The following WDR70 variants were observed in gnomAD, a reference collection of about 807,000 sequenced individuals.
The protein encoded by WDR70 is WD repeat-containing protein 70.
In WDR70, 53 loss-of-function variants were observed where a neutral mutation model predicts 88.6. That is an observed-to-expected ratio of 0.60 (90% CI 0.48 to 0.75). The LOEUF (loss-of-function observed/expected upper bound fraction) is 0.75, where lower values mean the gene tolerates loss of function less well. Ranked by LOEUF, WDR70 falls within the 30% of genes least tolerant of loss-of-function variation. The pLI is 0.00. For synonymous variants in WDR70, 280 were observed against 270.0 expected, an observed-to-expected ratio of 1.04 and a Z score of -0.36; for missense variants, 610 against 823.2, an observed-to-expected ratio of 0.74 and a Z score of 3.17.
rs371089344 is a variant in WDR70, at chr5:37,582,877, C to G, written c.918-22187C>G. Among the ~76,000 whole-genome samples, 3 of 152,206 alleles carry G rather than the reference C, an allele frequency of 2.0e-5. No individual in the cohort carries two copies. In the East Asian group the frequency reaches 5.8e-4, roughly 29 times the overall value. On this transcript the variant is annotated intron_variant, in intron 9 of 17. Coordinates refer to ENST00000265107, the MANE Select transcript of WDR70 (RefSeq NM_018034.4). ...TGTTTCAGCATGGGCTGTCCTTGTG[C>G]GTAGCACTTCTTTAGGATGTCGCCA...
intron 5 of WDR70, among the ~76,000 whole-genome samples, chr5:37,414,926 G>GCGGCGTTC (rs1749651859): frequency 7.3e-6 from 1 of 136,128 alleles, no homozygotes; most frequent in Admixed American, 6.8e-5. Flanking sequence ...AGAGGACCCT[G>GCGGCGTTC]CGGCCTTCCG....
At chr5:37,649,798 C>T (rs1176354814) in intron 10 of WDR70, among the ~76,000 whole-genome samples, 2 of 116,394 alleles carry the variant, frequency 1.7e-5, no homozygotes, top group Non-Finnish European at 3.2e-5. Context: ...AGTGCAGTGG[C>T]GCGATCTCGG....
chr5:37,695,992 C>T (rs1346497322), intron 10 of WDR70, among the ~76,000 whole-genome samples: 1 of 152,080 alleles, frequency 6.6e-6, no homozygotes, highest in Non-Finnish European at 1.5e-5. Flanking sequence ...CTCTTTTCTC[C>T]CTCATTGTCA....
chr5:37,522,148 T>C (rs916258814), intron 9 of WDR70, among the ~76,000 whole-genome samples: 1 of 152,142 alleles, frequency 6.6e-6, no homozygotes, highest in African/African-American at 2.4e-5. Context: ...TTCCATATGC[T>C]TTTTGGCCAT....
chr5:37,591,150 T>C (rs2112446290), intron 9 of WDR70, among the ~76,000 whole-genome samples: 1 of 152,176 alleles, frequency 6.6e-6, no homozygotes, highest in South Asian at 2.1e-4. Context: ...CTGGCCAATA[T>C]GGTGAAACCC....
At chr5:37,383,939 T>C (rs573047502) in intron 3 of WDR70, among the ~76,000 whole-genome samples, 113 of 152,296 alleles carry the variant, frequency 7.4e-4, no homozygotes, top group African/African-American at 2.6e-3. Context: ...TGAACTACCA[T>C]GTACCTATCA....
intron 10 of WDR70, among the ~76,000 whole-genome samples, chr5:37,696,795 T>C (rs1159868822): frequency 6.6e-6 from 1 of 152,250 alleles, no homozygotes; most frequent in Admixed American, 6.5e-5. Flanking sequence ...GGTAATTGAC[T>C]TCCTAGTACC....
chr5:37,606,423 G>T (rs1248358677), intron 10 of WDR70, among the ~76,000 whole-genome samples: 1 of 151,956 alleles, frequency 6.6e-6, no homozygotes, highest in Non-Finnish European at 1.5e-5. Context: ...ATCATCTCTG[G>T]GTGCTGTTAA....
At chr5:37,382,376 A>G (rs1748454177) in intron 3 of WDR70, among the ~76,000 whole-genome samples, 1 of 150,022 alleles carries the variant, frequency 6.7e-6, no homozygotes, top group Non-Finnish European at 1.5e-5. Flanking sequence ...GGGATTACAG[A>G]CGTGAACCAC....
intron 9 of WDR70, among the ~76,000 whole-genome samples, chr5:37,571,123 T>C (rs749037933): frequency 1.3e-5 from 2 of 152,178 alleles, no homozygotes; most frequent in Non-Finnish European, 2.9e-5. Flanking sequence ...ATTTGAAAGC[T>C]TGATTTTGAA....
At chr5:37,435,944 T>C (rs1365955641) in intron 5 of WDR70, among the ~76,000 whole-genome samples, 1 of 151,938 alleles carries the variant, frequency 6.6e-6, no homozygotes, top group Non-Finnish European at 1.5e-5. Flanking sequence ...ATATAGTCTT[T>C]GAGAAGCTTA....
chr5:37,585,279 C>T (rs749070588), intron 9 of WDR70, among the ~76,000 whole-genome samples: 18 of 152,060 alleles, frequency 1.2e-4, no homozygotes, highest in Admixed American at 3.3e-4. Flanking sequence ...TGTGAGCTAC[C>T]GCGCCCAGCC....
At position 37,605,115 on chromosome 5, in the gene WDR70, T is replaced by C. The variant is rs2112476114; in HGVS notation, c.969T>C (p.Phe323=). The C allele has an allele frequency of 6.2e-7, 1 of 1,613,144 alleles. No individual in the cohort carries two copies. The highest frequency in any genetic ancestry group is 1.7e-4 in the Middle Eastern group (1 of 6,054). ...VENPKKQKSV[F]KPRTMQGKKV... ...ATCCAAAGAAGCAAAAAAGTGTGTT[T>C]AAACCACGGACGATGCAAGGCAAAA... Residue 323 remains phenylalanine (F), a synonymous_variant, in exon 10 of 18, where the codon TTT becomes TTC. Transcript: ENST00000265107.
chr5:37,713,862 A>G lies in WDR70; in HGVS notation c.1417-7253A>G, dbSNP rs529482103. On this transcript the variant is annotated intron_variant, in intron 13 of 17. Coordinates refer to ENST00000265107, the MANE Select transcript of WDR70 (RefSeq NM_018034.4). Reference sequence around the variant, plus strand: ...GATTTTCTGACAGTTTTTCTCCCTCAGCCTGAATCTGATGAATGATCTTTG... The same window carrying G: ...GATTTTCTGACAGTTTTTCTCCCTCGGCCTGAATCTGATGAATGATCTTTG... 4.0e-4 allele frequency among the ~76,000 whole-genome samples: 61 copies of G among 152,348 alleles called. 1 individual carries two copies. The highest frequency in any genetic ancestry group is 1.3e-3 in the African/African-American group (56 of 41,594).
At chr5:37,547,517 TAGTA>T (rs771830442) in intron 9 of WDR70, among the ~76,000 whole-genome samples, 1 of 152,172 alleles carries the variant, frequency 6.6e-6, no homozygotes, top group Non-Finnish European at 1.5e-5. Context: ...TGTGGGTACA[TAGTA>T]AGTGTATATA....
intron 7 of WDR70, among the ~76,000 whole-genome samples, chr5:37,452,337 C>A (rs1052275467): frequency 6.6e-6 from 1 of 151,024 alleles, no homozygotes; most frequent in Non-Finnish European, 1.5e-5. Flanking sequence ...ATGATCTTGG[C>A]TCACTGCAAC....
At chr5:37,676,447 G>T (rs978713148) in intron 10 of WDR70, among the ~76,000 whole-genome samples, 13 of 152,064 alleles carry the variant, frequency 8.5e-5, no homozygotes, top group African/African-American at 2.4e-4. Flanking sequence ...AGCATGAAGG[G>T]TGTTGAATTT....
At chr5:37,715,453 A>C (rs1034779723) in intron 13 of WDR70, among the ~76,000 whole-genome samples, 2 of 152,088 alleles carry the variant, frequency 1.3e-5, no homozygotes, top group Non-Finnish European at 2.9e-5. Context: ...ACTTAGCAAG[A>C]TGTGTAGAGA....
chr5:37,446,045 G>A (rs545043147), intron 7 of WDR70, among the ~76,000 whole-genome samples: 9 of 152,256 alleles, frequency 5.9e-5, no homozygotes, highest in East Asian at 3.9e-4. Flanking sequence ...AAACCCCATC[G>A]TCTCAGCCCC....
Sources: gnomAD v4.1 joint callset for allele counts (sites outside exome capture counted in the v4.1 genomes callset) on GRCh38, gnomAD v4.1.1 for gene constraint, MANE v1.5 for transcripts, NCBI Gene and HGNC (gene_info 2026-07-23, HGNC 2026-07-21) for gene names.